The following NCKAP1 variants were observed in gnomAD, a reference collection of about 807,000 sequenced individuals.
NCKAP1 encodes the protein NCK associated protein 1, also known as nck-associated protein 1.
Under a neutral mutation model 151.2 loss-of-function variants are expected in NCKAP1, and 21 were observed. The observed-to-expected ratio is 0.14, with a 90% CI of 0.10 to 0.20. The LOEUF is 0.20. Ranked by LOEUF, NCKAP1 falls within the 10% of genes least tolerant of loss-of-function variation. The pLI, the probability that NCKAP1 is intolerant of heterozygous loss-of-function variation, is 1.00. For missense variants in NCKAP1, 933 were observed against 1,352.1 expected (o/e 0.69, Z 4.86); for synonymous variants, 484 against 451.8 (o/e 1.07, Z -0.90).
Position 183,038,248 on chromosome 2 carries a change from C to A in NCKAP1, c.-149G>T. The A allele has an allele frequency of 2.1e-6, 1 of 468,108 alleles. No individual in the cohort carries two copies. The highest frequency in any genetic ancestry group is 3.6e-6 in the Non-Finnish European group (1 of 277,208). 29.0% of individuals were successfully genotyped at this position (468,108 alleles called of 1,614,324 possible). ...GCCCATGGCCCTCGCGCCCCAATCCCGCGCCGGCGACAGAGCGAGCCGCGG... is the reference window on the plus strand; with the variant it reads ...GCCCATGGCCCTCGCGCCCCAATCCAGCGCCGGCGACAGAGCGAGCCGCGG... On this transcript the variant is annotated 5_prime_UTR_variant, in exon 1 of 31. Transcript: ENST00000361354.
chr2:182,936,119 T>G, intron 24 of NCKAP1, among the ~76,000 whole-genome samples: 1 of 151,126 alleles, frequency 6.6e-6, no homozygotes, highest in Non-Finnish European at 1.5e-5. Context: ...ATCAATCGGG[T>G]GTGGGGGCAT....
chr2:182,997,184 A>T (rs1405265413), intron 6 of NCKAP1, among the ~76,000 whole-genome samples: 4 of 152,130 alleles, frequency 2.6e-5, no homozygotes, highest in Non-Finnish European at 5.9e-5. Flanking sequence ...CCTTATTGGC[A>T]ATCCTTTCAA....
At chr2:182,960,221 GA>G (rs1697416807) in intron 18 of NCKAP1, among the ~76,000 whole-genome samples, 1 of 152,002 alleles carries the variant, frequency 6.6e-6, no homozygotes, top group Admixed American at 6.6e-5. Context: ...CACAGAATTG[GA>G]AAAAACTACT....
chr2:183,037,942 CCCTCCCGGGCCCGCCCGCCTCCGCCGCGG>C (rs746921173), intron 1 of NCKAP1, 21 bp downstream of exon 1: 15 of 1,450,156 alleles, frequency 1.0e-5, no homozygotes, highest in Admixed American at 8.1e-5. Context: ...TGCCCTTCAT[CCCTCCCGGGCCCGCCCGCCTCCGCCGCGG>C]CCTCCCCGGC....
chr2:182,926,923 A>T lies in NCKAP1; in HGVS notation c.3181-18T>A. On this transcript the variant is annotated intron_variant, in intron 29 of 30. Coordinates refer to ENST00000361354, the MANE Select transcript of NCKAP1 (RefSeq NM_013436.5). ...GATGCAAGCTTAAAAGTATACATACACATAAAGTGAGTTTGTTAATAAAAG... is the reference window on the plus strand; with the variant it reads ...GATGCAAGCTTAAAAGTATACATACTCATAAAGTGAGTTTGTTAATAAAAG... 6.6e-7 allele frequency: 1 copy of T among 1,512,590 alleles called. No individual in the cohort carries two copies. The highest frequency in any genetic ancestry group is 9.1e-7 in the Non-Finnish European group (1 of 1,101,368). 93.7% of individuals were successfully genotyped at this position (1,512,590 alleles called of 1,614,324 possible). A position where few individuals can be genotyped will look rare whatever the true frequency, so the allele number is the denominator to read the frequency against.
chr2:183,000,891 G>C (rs1240476905), intron 6 of NCKAP1, among the ~76,000 whole-genome samples: 1 of 152,106 alleles, frequency 6.6e-6, no homozygotes, highest in Non-Finnish European at 1.5e-5. Context: ...TCAGGAGTTA[G>C]AGACCAGCCT....
chr2:182,996,182 C>T (rs1698264684), intron 6 of NCKAP1, among the ~76,000 whole-genome samples: 1 of 152,174 alleles, frequency 6.6e-6, no homozygotes, highest in Non-Finnish European at 1.5e-5. Context: ...AGTTTCCATT[C>T]TGATAGTTTC....
intron 2 of NCKAP1, among the ~76,000 whole-genome samples, chr2:183,019,177 C>T (rs7597884): frequency 0.33 from 49,868 of 151,984 alleles, 11,453 homozygotes; most frequent in African/African-American, 0.65. Flanking sequence ...ATTCAGCATA[C>T]ATAGGATAGT....
chr2:182,968,952 C>G (rs999590062), intron 15 of NCKAP1, among the ~76,000 whole-genome samples: 4 of 152,062 alleles, frequency 2.6e-5, no homozygotes, highest in Non-Finnish European at 4.4e-5. Flanking sequence ...TTTTTGTCTA[C>G]CAGAAAAGAA....
chr2:182,971,569 C>G (rs1165660570), intron 15 of NCKAP1, among the ~76,000 whole-genome samples: 1 of 150,434 alleles, frequency 6.6e-6, no homozygotes, highest in South Asian at 2.1e-4. Flanking sequence ...GAACAAACAA[C>G]AACAAAAAAA....
intron 27 of NCKAP1, 75 bp from the exon 28 acceptor site, chr2:182,928,974 C>T: frequency 1.1e-6 from 1 of 911,710 alleles, no homozygotes; most frequent in Non-Finnish European, 1.6e-6. Flanking sequence ...CTAAACTAAA[C>T]AGATTTTTAT....
In NCKAP1 at chr2:183,002,570, G is replaced by A. The variant is rs143864155; in HGVS notation, c.370-301C>T. Among the ~76,000 whole-genome samples, 1,318 of 151,868 alleles carry A rather than the reference G, an allele frequency of 8.7e-3. 20 individuals carry two copies. Among genetic ancestry groups the A allele is most frequent in the African/African-American group, 0.03 (1,231 of 41,476 alleles). ...TAAGGAACACTGGTGCCAATCTCAC[G>A]AAAGAGGAAAAAAATTATTTTTTAA... On this transcript the variant is annotated intron_variant, in intron 4 of 30. Transcript: ENST00000361354.
At chr2:182,972,224 C>CAAAAAAAAAAAAAAAA (rs56834438) in intron 15 of NCKAP1, among the ~76,000 whole-genome samples, 27 of 67,692 alleles carry the variant, frequency 4.0e-4, no homozygotes, top group East Asian at 5.3e-4. Context: ...AGCTTAATAG[C>CAAAAAAAAAAAAAAAA]AAAAAAAAAA....
At position 182,978,933 on chromosome 2, in the gene NCKAP1, AG is replaced by A; in HGVS notation, c.1342-19del. The A allele has an allele frequency of 6.3e-7, 1 of 1,575,872 alleles. No individual in the cohort carries two copies. Among genetic ancestry groups the A allele is most frequent in the South Asian group, 1.1e-5 (1 of 88,884 alleles). On this transcript the variant is annotated intron_variant, in intron 13 of 30. Coordinates refer to ENST00000361354, the MANE Select transcript of NCKAP1 (RefSeq NM_013436.5). The stretch of plus-strand genomic sequence containing the variant: ...GAAAGATTCTGAAAAACAAACAAAA[AG>A]TAACGTTAAAAACATCTATAGTTGG...
chr2:182,952,785 C>T lies in NCKAP1; in HGVS notation c.2503+8G>A. 1.3e-6 allele frequency: 2 copies of T among 1,597,120 alleles called. No individual in the cohort carries two copies. Among genetic ancestry groups the T allele is most frequent in the Admixed American group, 1.8e-5 (1 of 56,818 alleles). On this transcript the variant is annotated splice_region_variant and intron_variant, in intron 22 of 30. Transcript: ENST00000361354. ...TCATTCTCTAAACTGTGGTATAGTA[C>T]TATTCACCTGATATGTCAGAATATT...
At chr2:183,003,763 G>A (rs746056812) in intron 2 of NCKAP1, among the ~76,000 whole-genome samples, 2 of 151,992 alleles carry the variant, frequency 1.3e-5, no homozygotes, top group African/African-American at 4.8e-5. Context: ...GCCACGTTAC[G>A]CATGCAAAAT....
At chr2:182,989,344 C>G (rs760764216) in intron 8 of NCKAP1, among the ~76,000 whole-genome samples, 158 bp from the exon 9 acceptor site, 1 of 152,146 alleles carries the variant, frequency 6.6e-6, no homozygotes, top group Non-Finnish European at 1.5e-5. Context: ...CATGGTAATA[C>G]GTTTCTTTTC....
At chr2:182,941,843 C>A (rs866887196) in intron 24 of NCKAP1, among the ~76,000 whole-genome samples, 1 of 151,996 alleles carries the variant, frequency 6.6e-6, no homozygotes, top group African/African-American at 2.4e-5. Context: ...CATGAACTAG[C>A]GACACATAGT....
At chr2:183,033,594 G>A (rs888949175) in intron 1 of NCKAP1, among the ~76,000 whole-genome samples, 4 of 152,120 alleles carry the variant, frequency 2.6e-5, no homozygotes, top group East Asian at 3.8e-4. Context: ...TTCAATAAAC[G>A]AAGAGTAAAT....
Sources: gnomAD v4.1 joint callset for allele counts (sites outside exome capture counted in the v4.1 genomes callset) on GRCh38, gnomAD v4.1.1 for gene constraint, MANE v1.5 for transcripts, NCBI Gene and HGNC (gene_info 2026-07-23, HGNC 2026-07-21) for gene names.